The following KLF8 variants were observed in gnomAD, a reference collection of about 807,000 sequenced individuals.
KLF8 encodes KLF transcription factor 8.
In KLF8, 10 loss-of-function variants were observed where a neutral mutation model predicts 18.2. The ratio of observed to expected loss-of-function variants is 0.55; its 90% CI spans 0.34 to 0.93. KLF8 has a LOEUF of 0.93. Among genes scored for constraint, KLF8 ranks in the 40% least tolerant of loss-of-function variants. The pLI, the probability that KLF8 is intolerant of heterozygous loss-of-function variation, is 0.02. For missense variants in KLF8, 264 were observed against 277.9 expected (o/e 0.95, Z 0.36); for synonymous variants, 109 against 97.3 (o/e 1.12, Z -0.71).
intron 1 of KLF8, among the ~76,000 whole-genome samples, chrX:56,237,033 T>C (rs2066484689): frequency 9.4e-6 from 1 of 106,710 alleles, no homozygotes; most frequent in Non-Finnish European, 1.9e-5. Context: ...TCTAGGAATT[T>C]AAGTGAAATC....
the KLF8 span, among the ~76,000 whole-genome samples, chrX:56,113,102 A>G: frequency 9.2e-6 from 1 of 108,243 alleles, no homozygotes; most frequent in Admixed American, 1.0e-4. Context: ...AGTCCCAGCT[A>G]CTCGAGGATG....
chrX:55,940,915 G>A, the KLF8 span, among the ~76,000 whole-genome samples: 1 of 111,644 alleles, frequency 9.0e-6, no homozygotes, highest in Non-Finnish European at 1.9e-5. Context: ...CTCATGGGTA[G>A]GAAGAATCAA....
the KLF8 span, among the ~76,000 whole-genome samples, chrX:56,158,492 T>C: frequency 3.6e-5 from 4 of 111,920 alleles, no homozygotes; most frequent in Non-Finnish European, 5.6e-5. Context: ...GTATGGCCAT[T>C]TTCACAATAT....
chrX:56,149,776 A>C, the KLF8 span, among the ~76,000 whole-genome samples: 1 of 110,934 alleles, frequency 9.0e-6, no homozygotes, highest in African/African-American at 3.3e-5. Flanking sequence ...AGAAAATCCA[A>C]AGATCTGGCA....
rs2067256680 is a variant in KLF8, at chrX:56,285,374, C to G, written c.*880C>G. The G allele has an allele frequency of 8.9e-6, 1 of 111,795 alleles. No homozygotes were observed. Among genetic ancestry groups the G allele is most frequent in the Non-Finnish European group, 1.9e-5 (1 of 53,166 alleles). The allele number at this position is 111,795 out of a possible 1,213,427, so 9.2% of individuals were successfully genotyped here. A position where few individuals can be genotyped will look rare whatever the true frequency, so the allele number is the denominator to read the frequency against. The stretch of plus-strand genomic sequence containing the variant: ...ATCCTGAGAACAAATAGAGGGGTTC[C>G]TTTACTTGTATAGGATATCAAAAGT... On this transcript the variant is annotated 3_prime_UTR_variant, in exon 6 of 6. Transcript: ENST00000468660.
chrX:56,134,524 A>T, the KLF8 span, among the ~76,000 whole-genome samples: 1 of 112,125 alleles, frequency 8.9e-6, no homozygotes, highest in South Asian at 3.7e-4. Flanking sequence ...TGGATCAATA[A>T]CTTAAATGTA....
chrX:55,996,005 A>G, the KLF8 span, among the ~76,000 whole-genome samples: 1 of 111,673 alleles, frequency 9.0e-6, no homozygotes, highest in Non-Finnish European at 1.9e-5. Context: ...CCAATGAGTC[A>G]TAAGTTTGGT....
the KLF8 span, among the ~76,000 whole-genome samples, chrX:56,176,600 G>T: frequency 9.0e-6 from 1 of 110,575 alleles, no homozygotes; most frequent in Admixed American, 9.7e-5. Flanking sequence ...CTCTTCTCGA[G>T]GAATATCTTT....
chrX:56,187,198 T>C, the KLF8 span, among the ~76,000 whole-genome samples: 1 of 111,240 alleles, frequency 9.0e-6, no homozygotes, highest in African/African-American at 3.3e-5. Context: ...GATATCACCA[T>C]CGATCCCACA....
At chrX:55,978,039 C>A in the KLF8 span, among the ~76,000 whole-genome samples, 3 of 110,442 alleles carry the variant, frequency 2.7e-5, no homozygotes, top group East Asian at 8.6e-4. Context: ...TTTGCTTTCT[C>A]ACTCTCTCTT....
chrX:56,257,006 G>A (rs980688936), intron 2 of KLF8, among the ~76,000 whole-genome samples: 10 of 111,680 alleles, frequency 9.0e-5, no homozygotes, highest in African/African-American at 2.9e-4. Flanking sequence ...CCTGGCAGGA[G>A]CATATTTTTT....
At chrX:56,195,788 A>T in the KLF8 span, among the ~76,000 whole-genome samples, 2 of 111,636 alleles carry the variant, frequency 1.8e-5, no homozygotes, top group Non-Finnish European at 3.8e-5. Flanking sequence ...TGTCAGATTC[A>T]CAAGGGTCAA....
At chrX:56,210,485 T>G in the KLF8 span, among the ~76,000 whole-genome samples, 3 of 111,599 alleles carry the variant, frequency 2.7e-5, no homozygotes, top group Non-Finnish European at 5.6e-5. Context: ...CCTTAACTTT[T>G]GGGAGTTTGA....
In KLF8 at chrX:56,255,817, T is replaced by C. The variant is rs767023387; in HGVS notation, c.81+5513T>C. ...AGCTTGTTGAGGATTTTTGCATCAGTATTCATCAGAGATATTGGCCTGTAA... is the reference window on the plus strand; with the variant it reads ...AGCTTGTTGAGGATTTTTGCATCAGCATTCATCAGAGATATTGGCCTGTAA... On this transcript the variant is annotated intron_variant, in intron 2 of 5. Transcript: ENST00000468660. Among the ~76,000 whole-genome samples the C allele has an allele frequency of 1.2e-4, 14 of 112,142 alleles. No homozygotes were observed. In the South Asian group the frequency reaches 5.2e-3, roughly 41 times the overall value.
chrX:56,039,719 T>C, the KLF8 span, among the ~76,000 whole-genome samples: 1 of 111,843 alleles, frequency 8.9e-6, no homozygotes, highest in Admixed American at 9.5e-5. Flanking sequence ...TGGGCTCTTT[T>C]TTGGTTGCAT....
the KLF8 span, among the ~76,000 whole-genome samples, chrX:56,085,401 G>A: frequency 1.8e-5 from 2 of 112,067 alleles, no homozygotes; most frequent in African/African-American, 6.5e-5. Flanking sequence ...ATTCCAGTAT[G>A]GGTCTGTAGT....
chrX:55,996,695 C>CT, the KLF8 span, among the ~76,000 whole-genome samples: 1 of 111,782 alleles, frequency 8.9e-6, no homozygotes, highest in East Asian at 2.8e-4. Flanking sequence ...AGGCCCACAG[C>CT]TTTTTTCTCT....
the KLF8 span, among the ~76,000 whole-genome samples, chrX:56,208,037 T>C: frequency 4.5e-5 from 5 of 110,417 alleles, no homozygotes; most frequent in Non-Finnish European, 9.5e-5. Context: ...AACCATCAGA[T>C]CTTAGGCGTA....
At chrX:55,932,582 G>T in the KLF8 span, among the ~76,000 whole-genome samples, 1 of 111,640 alleles carries the variant, frequency 9.0e-6, no homozygotes. Context: ...AAATCTCTCA[G>T]CATTTGCTTG....
Sources: gnomAD v4.1 joint callset for allele counts (sites outside exome capture counted in the v4.1 genomes callset) on GRCh38, gnomAD v4.1.1 for gene constraint, MANE v1.5 for transcripts, NCBI Gene and HGNC (gene_info 2026-07-23, HGNC 2026-07-21) for gene names.